Variants in GALNT2 observed in about 807,000 individuals in gnomAD.
GALNT2 encodes polypeptide N-acetylgalactosaminyltransferase 2, also known as UDP-GalNAc:polypeptide N-acetylgalactosaminyltransferase 2.
In GALNT2, 31 loss-of-function variants were observed where a neutral mutation model predicts 81.4. The ratio of observed to expected loss-of-function variants is 0.38; its 90% CI spans 0.29 to 0.51. The LOEUF is 0.51. Among genes scored for constraint, GALNT2 ranks in the 20% least tolerant of loss-of-function variants. The probability of loss-of-function intolerance (pLI) is 0.87; values close to 1 mark genes in which losing one functional copy is unlikely to be tolerated. For missense variants in GALNT2, 629 were observed against 765.7 expected (o/e 0.82, Z 2.11); for synonymous variants, 303 against 287.4 (o/e 1.05, Z -0.55).
At chr1:230,273,474 C>G (rs1666204692) in intron 14 of GALNT2, among the ~76,000 whole-genome samples, 1 of 152,196 alleles carries the variant, frequency 6.6e-6, no homozygotes, top group South Asian at 2.1e-4. Context: ...AAGGGCCTTG[C>G]TGCCCCTCGA....
intron 2 of GALNT2, among the ~76,000 whole-genome samples, chr1:230,202,407 G>A (rs1663919484): frequency 6.6e-6 from 1 of 152,182 alleles, no homozygotes; most frequent in Admixed American, 6.5e-5. Flanking sequence ...CAGTGCAGTG[G>A]TGTGTTCTTG....
At chr1:230,225,674 G>GTTTT (rs199933306) in intron 3 of GALNT2, among the ~76,000 whole-genome samples, 1 of 141,122 alleles carries the variant, frequency 7.1e-6, no homozygotes, top group Non-Finnish European at 1.5e-5. Context: ...AGGAGGCAGA[G>GTTTT]TTTTTTTGTT....
chr1:230,101,035 A>G (rs1369590430), intron 1 of GALNT2, among the ~76,000 whole-genome samples: 1 of 152,216 alleles, frequency 6.6e-6, no homozygotes, highest in African/African-American at 2.4e-5. Context: ...GTCACATGCT[A>G]TACAGGTTTG....
chr1:230,200,815 C>T lies in GALNT2; in HGVS notation c.221-2322C>T, dbSNP rs138885768. 4.6e-5 allele frequency among the ~76,000 whole-genome samples: 7 copies of T among 152,350 alleles called. No individual in the cohort carries two copies. In the East Asian group the frequency reaches 1.4e-3, roughly 29 times the overall value. ...CCTCTCTCGGGTGGTGGTCTCTTCT[C>T]TGGCTGCGCATGGGACTCCGTCATG... On this transcript the variant is annotated intron_variant, in intron 2 of 15. Transcript: ENST00000366672.
chr1:230,195,834 G>C (rs1663677772), intron 2 of GALNT2, among the ~76,000 whole-genome samples: 1 of 147,996 alleles, frequency 6.8e-6, no homozygotes, highest in South Asian at 2.1e-4. Flanking sequence ...GGTGAGCAGA[G>C]ACCTGGACGT....
chr1:230,089,809 G>A (rs1008357165), intron 1 of GALNT2, among the ~76,000 whole-genome samples: 4 of 152,068 alleles, frequency 2.6e-5, no homozygotes, highest in Admixed American at 6.5e-5. Context: ...TATACATTAC[G>A]CTGCTAACAC....
chr1:230,220,353 A>G (rs1386152510), intron 3 of GALNT2, among the ~76,000 whole-genome samples: 1 of 152,008 alleles, frequency 6.6e-6, no homozygotes. Context: ...GAAGAATACC[A>G]TTGATTCTGC....
At chr1:230,207,936 C>G (rs1664116749) in intron 3 of GALNT2, among the ~76,000 whole-genome samples, 1 of 152,232 alleles carries the variant, frequency 6.6e-6, no homozygotes, top group Non-Finnish European at 1.5e-5. Flanking sequence ...ATTGATATAT[C>G]ATAGTTGTTA....
At chr1:230,278,895 T>C (rs768182643) in intron 15 of GALNT2, among the ~76,000 whole-genome samples, 33 of 152,196 alleles carry the variant, frequency 2.2e-4, no homozygotes, top group Non-Finnish European at 4.4e-4. Context: ...GGGGAGGATC[T>C]GGCCCTGCAT....
chr1:230,280,298 G>A lies in GALNT2; in HGVS notation c.*840G>A, dbSNP rs974896370. On this transcript the variant is annotated 3_prime_UTR_variant, in exon 16 of 16. Transcript: ENST00000366672. ...CCTCCAGACCACCGGCCTCGGCCCC[G>A]GCATCCCTGTTGGGCGTCAGCCTGA... 38 of 298,374 alleles carry A rather than the reference G, an allele frequency of 1.3e-4. No individual in the cohort carries two copies. In the East Asian group the frequency reaches 2.6e-3, roughly 20 times the overall value. The allele number at this position is 298,374 out of a possible 1,614,324, so 18.5% of individuals were successfully genotyped here.
rs1012404988 is a variant in GALNT2 at position 230,193,836 on chromosome 1, C to T, written c.221-9301C>T. Among the ~76,000 whole-genome samples, 1 of 152,178 alleles carries T rather than the reference C, an allele frequency of 6.6e-6. No individual in the cohort carries two copies. Among genetic ancestry groups the T allele is most frequent in the African/African-American group, 2.4e-5 (1 of 41,436 alleles). On this transcript the variant is annotated intron_variant, in intron 2 of 15. Coordinates refer to ENST00000366672, the MANE Select transcript of GALNT2 (RefSeq NM_004481.5). This position sits in a 1 kb window ranked among gnomAD's most constrained non-coding sequence, Gnocchi z 4.3. ...ACTTAGGAGCGCTGTCTGGCTGTGT[C>T]TCTGGCTGCAGCCAGGTCCTAGAGT...
intron 11 of GALNT2, among the ~76,000 whole-genome samples, chr1:230,256,657 G>A (rs2102754487): frequency 6.6e-6 from 1 of 152,278 alleles, no homozygotes; most frequent in South Asian, 2.1e-4. Flanking sequence ...CAACGGAAGG[G>A]CTTTCCGAAA....
At chr1:230,060,540 C>G (rs553228892) in intron 1 of GALNT2, among the ~76,000 whole-genome samples, 1 of 152,148 alleles carries the variant, frequency 6.6e-6, no homozygotes, top group African/African-American at 2.4e-5. Flanking sequence ...ACCACCCCCA[C>G]CCAGCAGTGA....
At chr1:230,168,629 G>A (rs559663488) in intron 1 of GALNT2, among the ~76,000 whole-genome samples, 2 of 152,352 alleles carry the variant, frequency 1.3e-5, no homozygotes, top group East Asian at 1.9e-4. Context: ...GGAGTTTTCA[G>A]TGTAGTTGCT....
chr1:230,213,349 GT>G (rs1331828899), intron 3 of GALNT2, among the ~76,000 whole-genome samples: 2 of 152,220 alleles, frequency 1.3e-5, no homozygotes, highest in East Asian at 3.8e-4. Context: ...GTGAGTTTCT[GT>G]TATTTTCTTA....
At chr1:230,129,198 G>C (rs887904904) in intron 1 of GALNT2, among the ~76,000 whole-genome samples, 8 of 152,218 alleles carry the variant, frequency 5.3e-5, no homozygotes, top group Non-Finnish European at 1.2e-4. Flanking sequence ...TGTGTTGCCA[G>C]GATTCAAAGC....
intron 1 of GALNT2, among the ~76,000 whole-genome samples, chr1:230,146,079 A>C (rs1448234783): frequency 2.0e-5 from 3 of 152,126 alleles, no homozygotes; most frequent in Non-Finnish European, 4.4e-5. Context: ...GTAGCTGCTT[A>C]TGTTTTTTGG....
chr1:230,163,677 T>C (rs1437443344), intron 1 of GALNT2, among the ~76,000 whole-genome samples: 1 of 152,262 alleles, frequency 6.6e-6, no homozygotes, highest in Non-Finnish European at 1.5e-5. Flanking sequence ...TCTTTTCAGC[T>C]TTCCCATCAG....
At chr1:230,065,172 T>G (rs1235743435), upstream of GALNT2, among the ~76,000 whole-genome samples, 2 of 152,216 alleles carry the variant, frequency 1.3e-5, no homozygotes, top group African/African-American at 4.8e-5. Context: ...TAACCTCTTC[T>G]CTCTGAACCT....
Sources: allele counts gnomAD v4.1 joint callset (sites outside exome capture counted in the v4.1 genomes callset), GRCh38; gene constraint gnomAD v4.1.1; non-coding constraint Gnocchi (gnomAD v3.1); transcripts MANE v1.5; gene names NCBI Gene and HGNC (gene_info 2026-07-23, HGNC 2026-07-21).